The following ORC5 variants were observed in gnomAD, a reference collection of about 807,000 sequenced individuals.
ORC5 encodes the protein protein phosphatase 1, regulatory subunit 117.
A neutral mutation model predicts 58.8 loss-of-function variants in ORC5; 39 were observed. The observed-to-expected ratio is 0.66, with a 90% CI of 0.51 to 0.87. ORC5 has a LOEUF of 0.87. Among genes scored for constraint, ORC5 ranks in the 40% least tolerant of loss-of-function variants. The probability of loss-of-function intolerance (pLI) is 0.00; values close to 1 mark genes in which losing one functional copy is unlikely to be tolerated. For missense variants in ORC5, 493 were observed against 506.3 expected (o/e 0.97, Z 0.25); for synonymous variants, 218 against 177.6 (o/e 1.23, Z -1.81).
At chr7:104,174,438 A>G (rs1175396357) in intron 8 of ORC5, among the ~76,000 whole-genome samples, 1 of 152,218 alleles carries the variant, frequency 6.6e-6, no homozygotes, top group Non-Finnish European at 1.5e-5. Context: ...GCATGCCAAA[A>G]CAATCTACCT....
intron 12 of ORC5, among the ~76,000 whole-genome samples, chr7:104,140,673 T>C (rs1183320507): frequency 6.6e-6 from 1 of 152,330 alleles, no homozygotes; most frequent in Middle Eastern, 3.4e-3. Flanking sequence ...CCACCCTGCC[T>C]GTTCTGCCCA....
At chr7:104,163,642 A>G (rs146013300) in intron 11 of ORC5, among the ~76,000 whole-genome samples, 1 of 151,894 alleles carries the variant, frequency 6.6e-6, no homozygotes, top group African/African-American at 2.4e-5. Flanking sequence ...GCCCACCATC[A>G]TGCCCGGCTA....
In ORC5 at chr7:104,208,011, C is replaced by G. The variant is rs1800142995; in HGVS notation, c.-107G>C. 1 of 1,075,332 alleles carries G rather than the reference C, an allele frequency of 9.3e-7. No homozygotes were observed. The highest frequency in any genetic ancestry group is 1.4e-6 in the Non-Finnish European group (1 of 715,556). The allele number at this position is 1,075,332 out of a possible 1,614,324, so 66.6% of individuals were successfully genotyped here. A position where few individuals can be genotyped will look rare whatever the true frequency, so the allele number is the denominator to read the frequency against. ...GCCCACGCTCCCGCCGGAAACCGGA[C>G]CCGCAGCGTCGTGGGAGGAGCCTGC... On this transcript the variant is annotated 5_prime_UTR_variant, in exon 1 of 14. Coordinates refer to ENST00000297431, the MANE Select transcript of ORC5 (RefSeq NM_002553.4).
chr7:104,169,287 C>T (rs963984587), intron 8 of ORC5, among the ~76,000 whole-genome samples: 5 of 141,734 alleles, frequency 3.5e-5, no homozygotes, highest in African/African-American at 9.8e-5. Flanking sequence ...ACTAGAGCTA[C>T]GAGTCGAATC....
At chr7:104,194,359 G>A (rs1438541782) in intron 5 of ORC5, among the ~76,000 whole-genome samples, 2 of 151,958 alleles carry the variant, frequency 1.3e-5, no homozygotes, top group African/African-American at 4.8e-5. Flanking sequence ...TGAGGCCAAG[G>A]TCATGGAATG....
chr7:104,190,787 A>G (rs954837008), intron 5 of ORC5, among the ~76,000 whole-genome samples: 1 of 151,568 alleles, frequency 6.6e-6, no homozygotes, highest in East Asian at 1.9e-4. Flanking sequence ...ACAAGGAAAA[A>G]CTCTTCCAGG....
At chr7:104,185,658 C>CT (rs767385950) in intron 6 of ORC5, among the ~76,000 whole-genome samples, 2 of 152,094 alleles carry the variant, frequency 1.3e-5, no homozygotes, top group African/African-American at 2.4e-5. Flanking sequence ...TCTAGAAACT[C>CT]TATGTATTCT....
intron 9 of ORC5, 102 bp downstream of exon 9, chr7:104,168,371 A>G: frequency 3.3e-6 from 5 of 1,502,914 alleles, no homozygotes; most frequent in Non-Finnish European, 4.5e-6. Context: ...TCTCTTTTAT[A>G]ACACTATTTC....
At chr7:104,127,983 C>T (rs973551678) in intron 13 of ORC5, among the ~76,000 whole-genome samples, 1 of 152,066 alleles carries the variant, frequency 6.6e-6, no homozygotes, top group Non-Finnish European at 1.5e-5. Flanking sequence ...TACTGCAGAA[C>T]TAAAAAGTTT....
At position 104,138,104 on chromosome 7, in the gene ORC5, G is replaced by A. The variant is rs1417078315; in HGVS notation, c.1150-1211C>T. 1.3e-5 allele frequency among the ~76,000 whole-genome samples: 2 copies of A among 152,192 alleles called. No homozygotes were observed. Among genetic ancestry groups the A allele is most frequent in the Non-Finnish European group, 2.9e-5 (2 of 68,028 alleles). ...TTAGAGGTTTGAGCAGCGGGACACT[G>A]AAGAAGCAAGCCACTACCCCTGGAA... On this transcript the variant is annotated intron_variant, in intron 12 of 13. Transcript: ENST00000297431. This position sits in a 1 kb window ranked among gnomAD's most constrained non-coding sequence, Gnocchi z 4.7.
In ORC5 at chr7:104,166,895, A is replaced by C; in HGVS notation, c.878-11T>G. The C allele has an allele frequency of 6.9e-7, 1 of 1,455,964 alleles. No individual in the cohort carries two copies. The highest frequency in any genetic ancestry group is 2.3e-5 in the East Asian group (1 of 44,050). The allele number at this position is 1,455,964 out of a possible 1,614,324, so 90.2% of individuals were successfully genotyped here. A position where few individuals can be genotyped will look rare whatever the true frequency, so the allele number is the denominator to read the frequency against. ...TATGCGCTGAGAGGCCTATATAACA[A>C]AACACTTTGATGAAGTACTTATTAG... On this transcript the variant is annotated splice_polypyrimidine_tract_variant and intron_variant, in intron 9 of 13. Coordinates refer to ENST00000297431, the MANE Select transcript of ORC5 (RefSeq NM_002553.4).
intron 12 of ORC5, among the ~76,000 whole-genome samples, chr7:104,143,498 T>A (rs1157884626): frequency 2.0e-5 from 3 of 152,266 alleles, no homozygotes; most frequent in East Asian, 3.9e-4. Context: ...CCCGGCTAAA[T>A]TAATCATGTA....
At chr7:104,149,538 GTTTTGT>G (rs1358869563) in intron 12 of ORC5, among the ~76,000 whole-genome samples, 2 of 152,036 alleles carry the variant, frequency 1.3e-5, no homozygotes, top group African/African-American at 4.8e-5. Flanking sequence ...ACAGAACAAA[GTTTTGT>G]TTTTGTTTTT....
intron 5 of ORC5, among the ~76,000 whole-genome samples, chr7:104,190,245 G>T (rs551058911): frequency 6.6e-6 from 1 of 151,732 alleles, no homozygotes; most frequent in African/African-American, 2.4e-5. Context: ...CAGTAACAAG[G>T]GAAAAAATAC....
chr7:104,139,899 A>C (rs939972546), intron 12 of ORC5, among the ~76,000 whole-genome samples: 1 of 151,980 alleles, frequency 6.6e-6, no homozygotes, highest in Admixed American at 6.5e-5. Flanking sequence ...AAACTGAGAG[A>C]GGTATTAAAA....
intron 8 of ORC5, among the ~76,000 whole-genome samples, chr7:104,173,941 T>C (rs1257231005): frequency 7.0e-6 from 1 of 142,080 alleles, no homozygotes; most frequent in African/African-American, 2.6e-5. Context: ...GCCTCCCGGG[T>C]TCACGCCATT....
chr7:104,160,387 C>G (rs538651750), intron 12 of ORC5, among the ~76,000 whole-genome samples: 34 of 152,262 alleles, frequency 2.2e-4, no homozygotes, highest in Non-Finnish European at 4.3e-4. Flanking sequence ...TCTGACATGA[C>G]TTTGCTTTTA....
chr7:104,131,570 G>C (rs899508343), intron 13 of ORC5, among the ~76,000 whole-genome samples: 11 of 152,032 alleles, frequency 7.2e-5, no homozygotes, highest in Admixed American at 2.0e-4. Flanking sequence ...CCTCTCTCTT[G>C]GCCAGACACA....
chr7:104,178,375 T>C (rs146876114), intron 8 of ORC5, among the ~76,000 whole-genome samples: 6,790 of 152,312 alleles, frequency 0.045, 501 homozygotes, highest in African/African-American at 0.15. Context: ...TTGAGAAGTG[T>C]CTGTTCATAT....
Sources: gnomAD v4.1 joint callset for allele counts (sites outside exome capture counted in the v4.1 genomes callset) on GRCh38, gnomAD v4.1.1 for gene constraint, Gnocchi (gnomAD v3.1) non-coding constraint, MANE v1.5 for transcripts, NCBI Gene and HGNC (gene_info 2026-07-23, HGNC 2026-07-21) for gene names.